DGCR8: variants seen among roughly 807,000 people sequenced by gnomAD.
DGCR8 encodes microprocessor complex subunit DGCR8.
In DGCR8, 14 loss-of-function variants were observed where a neutral mutation model predicts 78.5. The ratio of observed to expected loss-of-function variants is 0.18; its 90% CI spans 0.12 to 0.28. The LOEUF is 0.28. Ranked by LOEUF, DGCR8 falls within the 10% of genes least tolerant of loss-of-function variation. The pLI is 1.00. For missense variants in DGCR8, 702 were observed against 1,022.5 expected (o/e 0.69, Z 4.28); for synonymous variants, 399 against 402.4 (o/e 0.99, Z 0.10).
rs1029167323 is a variant in DGCR8 at position 20,110,340 on chromosome 22, A to G, written c.*232A>G. The G allele has an allele frequency of 1.9e-6, 1 of 522,762 alleles. No individual in the cohort carries two copies. Among genetic ancestry groups the G allele is most frequent in the African/African-American group, 1.9e-5 (1 of 51,898 alleles). 32.4% of individuals were successfully genotyped at this position (522,762 alleles called of 1,614,324 possible). Reference sequence around the variant, plus strand: ...GAAAGCTCCAGGCCTGAATGGATGGACTCAGCGACTGCACCAGTGGCAGCT... The same window carrying G: ...GAAAGCTCCAGGCCTGAATGGATGGGCTCAGCGACTGCACCAGTGGCAGCT... On this transcript the variant is annotated 3_prime_UTR_variant, in exon 14 of 14. Coordinates refer to ENST00000351989, the MANE Select transcript of DGCR8 (RefSeq NM_022720.7).
intron 8 of DGCR8, among the ~76,000 whole-genome samples, chr22:20,093,995 G>A (rs77989302): frequency 0.041 from 6,316 of 152,312 alleles, 179 homozygotes; most frequent in South Asian, 0.095. Flanking sequence ...AACAAAGGGG[G>A]TGTGGTGGAG....
intron 9 of DGCR8, among the ~76,000 whole-genome samples, chr22:20,103,669 G>A (rs1425918397): frequency 6.6e-6 from 1 of 152,198 alleles, no homozygotes; most frequent in Non-Finnish European, 1.5e-5. Flanking sequence ...ATCAAGCGAA[G>A]TGGGAAGTAG....
At position 20,085,714 on chromosome 22, in the gene DGCR8, A is replaced by G; in HGVS notation, c.-250A>G. On this transcript the variant is annotated 5_prime_UTR_variant, in exon 2 of 14. It removes an upstream start codon present in the reference 5' UTR. Coordinates refer to ENST00000351989, the MANE Select transcript of DGCR8 (RefSeq NM_022720.7). This position sits in a 1 kb window ranked among gnomAD's most constrained non-coding sequence, Gnocchi z 6.2. ...AGAAGAAGAAAGGTGCCACTCCGGC[A>G]TGAAGACAGACTCGCTTAGTCGCCA... The G allele has an allele frequency of 1.5e-6, 2 of 1,324,084 alleles. No individual in the cohort carries two copies. The highest frequency in any genetic ancestry group is 1.9e-6 in the Non-Finnish European group (2 of 1,041,484). 82.0% of individuals were successfully genotyped at this position (1,324,084 alleles called of 1,614,324 possible). A position where few individuals can be genotyped will look rare whatever the true frequency, so the allele number is the denominator to read the frequency against.
chr22:20,084,896 C>A, intron 1 of DGCR8: 1 of 849,866 alleles, frequency 1.2e-6, no homozygotes, highest in Non-Finnish European at 1.4e-6. Context: ...CAAGTAGGAA[C>A]CTACTTGTGG....
rs1022472066 is a variant in DGCR8 at position 20,086,008 on chromosome 22, A to G, written c.45A>G (p.Ala15=). Reference sequence around the variant, plus strand: ...CCTCTCCGCTCCCGTGTGGGCCCGCAGGAGAAGCGGTGATGGAGAGCCGAG... The same window carrying G: ...CCTCTCCGCTCCCGTGTGGGCCCGCGGGAGAAGCGGTGATGGAGAGCCGAG... ...ESPSPLPCGP[A]GEAVMESRAR... The change falls in exon 2 of 14, where the codon GCA becomes GCG. Residue 15 remains alanine (A), a synonymous_variant. Transcript: ENST00000351989. This position sits in a 1 kb window ranked among gnomAD's most constrained non-coding sequence, Gnocchi z 6.4. 10 of 1,610,852 alleles carry G rather than the reference A, an allele frequency of 6.2e-6. No homozygotes were observed. Among genetic ancestry groups the G allele is most frequent in the African/African-American group, 4.0e-5 (3 of 74,872 alleles).
intron 9 of DGCR8, among the ~76,000 whole-genome samples, chr22:20,104,317 A>G (rs1244164633): frequency 6.6e-6 from 1 of 151,974 alleles, no homozygotes; most frequent in Non-Finnish European, 1.5e-5. Flanking sequence ...GGCGCCTGCC[A>G]CCGCGCCCGG....
At chr22:20,104,890 TC>T (rs2049751668) in intron 9 of DGCR8, among the ~76,000 whole-genome samples, 1 of 151,634 alleles carries the variant, frequency 6.6e-6, no homozygotes, top group Non-Finnish European at 1.5e-5. Context: ...AGGGCCAGTG[TC>T]CCTGTGGAGC....
At chr22:20,102,784 A>G (rs1443398297) in intron 9 of DGCR8, among the ~76,000 whole-genome samples, 1 of 152,156 alleles carries the variant, frequency 6.6e-6, no homozygotes, top group Non-Finnish European at 1.5e-5. Context: ...TGTTTTGGCT[A>G]TTCTAGCTCC....
chr22:20,099,961 T>C (rs2049675722), intron 9 of DGCR8, among the ~76,000 whole-genome samples: 1 of 152,038 alleles, frequency 6.6e-6, no homozygotes, highest in African/African-American at 2.4e-5. Context: ...CTACATGTTT[T>C]CTGTGCTTTA....
chr22:20,082,427 T>C (rs1602474129), intron 1 of DGCR8, among the ~76,000 whole-genome samples: 1 of 151,418 alleles, frequency 6.6e-6, no homozygotes, highest in South Asian at 2.1e-4. Flanking sequence ...AGTGCAGTGG[T>C]GCGATCTCCC....
In DGCR8 at chr22:20,085,347, C is replaced by T. The variant is rs1228590110; in HGVS notation, c.-277-340C>T. Among the ~76,000 whole-genome samples, 1 of 152,184 alleles carries T rather than the reference C, an allele frequency of 6.6e-6. No individual in the cohort carries two copies. The highest frequency in any genetic ancestry group is 1.5e-5 in the Non-Finnish European group (1 of 68,030). ...TGTGTGTTCCAGAAAGGGTGCCTCC[C>T]ACTGCATGCTTGCTTATCTGAGTTA... On this transcript the variant is annotated intron_variant, in intron 1 of 13. Transcript: ENST00000351989. The surrounding 1 kb of genome is among the most constrained non-coding windows in gnomAD (Gnocchi z 6.2).
At chr22:20,097,832 T>A (rs62894660) in intron 9 of DGCR8, among the ~76,000 whole-genome samples, 29 of 114,022 alleles carry the variant, frequency 2.5e-4, no homozygotes, top group South Asian at 1.9e-3. Flanking sequence ...TTTTTTTTTT[T>A]AATTATATAT....
At position 20,094,680 on chromosome 22, in the gene DGCR8, C is replaced by T. The variant is rs2049606499; in HGVS notation, c.1706-33C>T. 3 of 1,600,306 alleles carry T rather than the reference C, an allele frequency of 1.9e-6. No individual in the cohort carries two copies. In the South Asian group the frequency reaches 3.3e-5, roughly 18 times the overall value. ...AGGGTGGTGAGAAGAGGGCAGTGCC[C>T]AAGCCTCACCCTCGGGCTCTTTTTT... is the stretch of plus-strand genomic sequence containing the variant. On this transcript the variant is annotated intron_variant, in intron 8 of 13. Coordinates refer to ENST00000351989, the MANE Select transcript of DGCR8 (RefSeq NM_022720.7).
chr22:20,084,731 A>T (rs143908313), intron 1 of DGCR8, among the ~76,000 whole-genome samples: 2 of 151,624 alleles, frequency 1.3e-5, no homozygotes, highest in Non-Finnish European at 2.9e-5. Context: ...TCTGCTATCC[A>T]CCTCCGTTGG....
intron 8 of DGCR8, 33 bp downstream of exon 8, chr22:20,092,940 G>A (rs1413882286): frequency 6.4e-7 from 1 of 1,561,496 alleles, no homozygotes; most frequent in Non-Finnish European, 8.8e-7. Context: ...AAAGATACGT[G>A]CTGCCTGCTG....
chr22:20,091,795 A>T (rs751141003), intron 6 of DGCR8, 74 bp from the exon 7 acceptor site: 91 of 1,506,456 alleles, frequency 6.0e-5, no homozygotes, highest in Non-Finnish European at 7.9e-5. Context: ...CTAGTTACTG[A>T]CATGGTAACA....
intron 1 of DGCR8, among the ~76,000 whole-genome samples, chr22:20,083,291 G>A (rs534536016): frequency 1.3e-5 from 2 of 151,370 alleles, no homozygotes; most frequent in African/African-American, 4.9e-5. Context: ...AGTTGTTAGC[G>A]GTCCATCTCC....
intron 9 of DGCR8, 63 bp downstream of exon 9, chr22:20,094,858 A>T: frequency 1.4e-6 from 2 of 1,463,724 alleles, no homozygotes; most frequent in Admixed American, 3.3e-5. Flanking sequence ...CTGCCCTGTT[A>T]GTGTGAGCTG....
chr22:20,095,558 A>G (rs942619164), intron 9 of DGCR8, among the ~76,000 whole-genome samples: 1 of 152,194 alleles, frequency 6.6e-6, no homozygotes, highest in African/African-American at 2.4e-5. Context: ...CGTACCAGTA[A>G]CAAACAATTG....
Sources: allele counts gnomAD v4.1 joint callset (sites outside exome capture counted in the v4.1 genomes callset), GRCh38; gene constraint gnomAD v4.1.1; non-coding constraint Gnocchi (gnomAD v3.1); transcripts MANE v1.5; gene names NCBI Gene and HGNC (gene_info 2026-07-23, HGNC 2026-07-21).